The following NXPE2 variants were observed in gnomAD, a reference collection of about 807,000 sequenced individuals.
The protein encoded by NXPE2 is neurexophilin and PC-esterase domain family member 2, also known as NXPE family member 2.
NXPE2 carries 34 observed loss-of-function variants against 34.4 expected under a neutral mutation model. The observed-to-expected ratio is 0.99, with a 90% CI of 0.75 to 1.31. The LOEUF (loss-of-function observed/expected upper bound fraction) is 1.31. NXPE2 is among the 40% of genes most tolerant of loss of function. The pLI is 0.00. For missense variants in NXPE2, 649 were observed against 672.5 expected, an observed-to-expected ratio of 0.97 and a Z score of 0.39; for synonymous variants, 235 against 231.3, an observed-to-expected ratio of 1.02 and a Z score of -0.15.
chr11:114,663,419 G>A, the NXPE2 span, among the ~76,000 whole-genome samples: 1 of 152,110 alleles, frequency 6.6e-6, no homozygotes, highest in East Asian at 1.9e-4. Flanking sequence ...ACGGGTGTGG[G>A]TTTATGTAAA....
downstream of NXPE2, among the ~76,000 whole-genome samples, chr11:114,708,750 C>T (rs1255433057): frequency 2.0e-5 from 3 of 152,292 alleles, no homozygotes; most frequent in Admixed American, 1.3e-4. Context: ...TTCCTTGTAT[C>T]AAGCTACTTA....
At chr11:114,614,457 C>G in the NXPE2 span, among the ~76,000 whole-genome samples, 1 of 151,776 alleles carries the variant, frequency 6.6e-6, no homozygotes, top group Non-Finnish European at 1.5e-5. Flanking sequence ...CCACTGTTAC[C>G]CGCTGGATGA....
At chr11:114,503,603 A>G in the NXPE2 span, among the ~76,000 whole-genome samples, 4 of 152,166 alleles carry the variant, frequency 2.6e-5, no homozygotes, top group African/African-American at 7.2e-5. Flanking sequence ...TGCAGAAAAT[A>G]TAGCAAAAAT....
chr11:114,743,174 A>ACTATTTAACCAAACTGTTT, the NXPE2 span, among the ~76,000 whole-genome samples: 2 of 122,326 alleles, frequency 1.6e-5, no homozygotes, highest in African/African-American at 6.6e-5. Flanking sequence ...GGCAACTTAT[A>ACTATTTAACCAAACTGTTT]TTAATAGAAT....
chr11:114,639,959 TTAAATATA>T, the NXPE2 span, among the ~76,000 whole-genome samples: 1 of 96,528 alleles, frequency 1.0e-5, no homozygotes, highest in Non-Finnish European at 2.0e-5. Context: ...ATAGTTTGTA[TTAAATATA>T]TTATATATAA....
upstream of NXPE2, among the ~76,000 whole-genome samples, chr11:114,676,683 G>A (rs1234441531): frequency 6.6e-6 from 1 of 151,954 alleles, no homozygotes; most frequent in Non-Finnish European, 1.5e-5. Flanking sequence ...CAGCCATTTT[G>A]GATAACAGTA....
At chr11:114,641,293 G>A in the NXPE2 span, among the ~76,000 whole-genome samples, 4 of 151,810 alleles carry the variant, frequency 2.6e-5, no homozygotes, top group African/African-American at 4.8e-5. Context: ...ATTCCAGAAA[G>A]GTAGTGTAAA....
At chr11:114,510,708 A>G in the NXPE2 span, among the ~76,000 whole-genome samples, 153 of 152,334 alleles carry the variant, frequency 1.0e-3, no homozygotes, top group African/African-American at 3.5e-3. Context: ...GCAGGCATGA[A>G]GAGAGACTTG....
chr11:114,739,408 C>T, the NXPE2 span, among the ~76,000 whole-genome samples: 1 of 137,420 alleles, frequency 7.3e-6, no homozygotes, highest in Non-Finnish European at 1.6e-5. Flanking sequence ...CCCTCCCTCG[C>T]TCCTTCCCTT....
chr11:114,739,372 CTCACTCACTCCT>C, the NXPE2 span, among the ~76,000 whole-genome samples: 5 of 41,178 alleles, frequency 1.2e-4, no homozygotes, highest in African/African-American at 4.5e-4. Context: ...CCCTCCCTCC[CTCACTCACTCCT>C]TCCCTTCCTC....
chr11:114,716,640 C>T, the NXPE2 span, among the ~76,000 whole-genome samples: 1 of 152,126 alleles, frequency 6.6e-6, no homozygotes, highest in African/African-American at 2.4e-5. Flanking sequence ...GAGAAAGCTC[C>T]GTGATGCCCC....
At chr11:114,775,252 C>G in the NXPE2 span, among the ~76,000 whole-genome samples, 13 of 152,234 alleles carry the variant, frequency 8.5e-5, no homozygotes, top group African/African-American at 3.1e-4. Context: ...TTAGGCAGCA[C>G]AGGGTGAGAG....
the NXPE2 span, among the ~76,000 whole-genome samples, chr11:114,608,175 T>C: frequency 6.6e-6 from 1 of 151,442 alleles, no homozygotes; most frequent in East Asian, 2.0e-4. Context: ...ATAATAAGTA[T>C]TGCCTCGTGG....
At chr11:114,669,322 T>C in the NXPE2 span, among the ~76,000 whole-genome samples, 26 of 152,184 alleles carry the variant, frequency 1.7e-4, no homozygotes, top group South Asian at 4.8e-3. Flanking sequence ...ACAAAATCCT[T>C]CCATCTTCTC....
rs755589993 is a variant in NXPE2 at position 114,706,666 on chromosome 11, C to A, written c.1416C>A (p.Ala472=). 102 of 1,551,868 alleles carry A rather than the reference C, an allele frequency of 6.6e-5. 1 individual carries two copies. In the South Asian group the frequency reaches 1.2e-3, roughly 18 times the overall value. Residue 472 remains alanine, a synonymous_variant, in exon 6 of 6, where the codon GCC becomes GCA. Coordinates refer to ENST00000389586, the MANE Select transcript of NXPE2 (RefSeq NM_182495.6). ...FIRRAINIQK[A]IERLFLRSPE... The stretch of plus-strand genomic sequence containing the variant: ...GTAGGGCCATCAATATTCAAAAGGC[C>A]ATTGAACGTCTATTCTTGCGAAGCC...
chr11:114,502,110 C>A, the NXPE2 span, among the ~76,000 whole-genome samples: 6 of 152,142 alleles, frequency 3.9e-5, no homozygotes, highest in Non-Finnish European at 8.8e-5. Flanking sequence ...AGTTAGCACT[C>A]CTCCTAACTG....
the NXPE2 span, among the ~76,000 whole-genome samples, chr11:114,534,532 T>G: frequency 6.6e-6 from 1 of 151,960 alleles, no homozygotes. Context: ...AGTTAAAAAC[T>G]TTGAAAAAAA....
chr11:114,484,689 T>C, the NXPE2 span, among the ~76,000 whole-genome samples: 1 of 152,238 alleles, frequency 6.6e-6, no homozygotes, highest in African/African-American at 2.4e-5. Context: ...ACATGTAAAC[T>C]GAGCAACACT....
chr11:114,522,369 C>G, the NXPE2 span: 1 of 1,614,086 alleles, frequency 6.2e-7, no homozygotes, highest in Non-Finnish European at 8.5e-7. Context: ...TAATCATGAT[C>G]TATCAGAGAG....
Sources: gnomAD v4.1 joint callset for allele counts (sites outside exome capture counted in the v4.1 genomes callset) on GRCh38, gnomAD v4.1.1 for gene constraint, MANE v1.5 for transcripts, NCBI Gene and HGNC (gene_info 2026-07-23, HGNC 2026-07-21) for gene names.